The following TNIK variants were observed in gnomAD, a reference collection of about 807,000 sequenced individuals.
TNIK encodes the protein TRAF2 and NCK-interacting protein kinase.
TNIK carries 49 observed loss-of-function variants against 191.3 expected under a neutral mutation model. The observed-to-expected ratio is 0.26, with a 90% CI of 0.20 to 0.32. The LOEUF is 0.32. Ranked by LOEUF, TNIK falls within the 10% of genes least tolerant of loss-of-function variation. The pLI is 1.00. For missense variants in TNIK, 1,155 were observed against 1,702.3 expected (o/e 0.68, Z 5.66); for synonymous variants, 594 against 600.9 (o/e 0.99, Z 0.17).
At chr3:171,336,826 A>C (rs1757003426) in intron 2 of TNIK, among the ~76,000 whole-genome samples, 1 of 152,212 alleles carries the variant, frequency 6.6e-6, no homozygotes. Context: ...AGTGAGGTAG[A>C]AGTAGGGTTA....
In TNIK at chr3:171,062,554, C is replaced by T. The variant is rs1353192429; in HGVS notation, c.*1327G>A. The T allele has an allele frequency of 1.3e-5, 2 of 152,096 alleles. No homozygotes were observed. Among genetic ancestry groups the T allele is most frequent in the Admixed American group, 6.5e-5 (1 of 15,272 alleles). The allele number at this position is 152,096 out of a possible 1,614,324, so 9.4% of individuals were successfully genotyped here. On this transcript the variant is annotated 3_prime_UTR_variant, in exon 33 of 33. Coordinates refer to ENST00000436636, the MANE Select transcript of TNIK (RefSeq NM_015028.4). ...TTATAAGGACACAAGTCAACCTGAA[C>T]TAAATACATACATACTTCTGCACAA...
chr3:171,093,877 C>T lies in TNIK; in HGVS notation c.2683G>A (p.Gly895Ser), dbSNP rs771128641. 9.3e-6 allele frequency: 15 copies of T among 1,613,876 alleles called. No individual in the cohort carries two copies. The highest frequency in any genetic ancestry group is 5.0e-5 in the Admixed American group (3 of 60,024). ...LETSHADSFS[G>S]SISREGTLMI... is the part of the protein sequence containing the mutation. Reference sequence around the variant, plus strand: ...AAGGTTCCTTCTCTTGAAATACTGCCGCTGAAACTGTCCGCATGAGAGGTC... The same window carrying T: ...AAGGTTCCTTCTCTTGAAATACTGCTGCTGAAACTGTCCGCATGAGAGGTC... Residue 895 changes from glycine to serine, a missense_variant, in exon 23 of 33, where the codon GGC (glycine) becomes AGC (serine). Around this residue, in one of 3 missense-constraint regions of TNIK, gnomAD observed 735 missense variants for 848.0 expected, o/e 0.87. Transcript: ENST00000436636.
chr3:171,266,676 G>A (rs1055150342), intron 2 of TNIK, among the ~76,000 whole-genome samples: 4 of 152,192 alleles, frequency 2.6e-5, no homozygotes, highest in Non-Finnish European at 5.9e-5. Flanking sequence ...GCCTTTGCAG[G>A]AATAGAGTAC....
intron 2 of TNIK, chr3:171,347,221 G>GAA (rs3082367): frequency 0.12 from 160,729 of 1,376,186 alleles, 2,281 homozygotes; most frequent in African/African-American, 0.29. Context: ...TTCATTTGCT[G>GAA]AAAAAAAAAA....
chr3:171,434,637 G>C (rs1560069950), intron 1 of TNIK, among the ~76,000 whole-genome samples: 1 of 151,566 alleles, frequency 6.6e-6, no homozygotes, highest in African/African-American at 2.4e-5. Flanking sequence ...TTTTAAAATT[G>C]TTTTTAGAGA....
intron 3 of TNIK, among the ~76,000 whole-genome samples, chr3:171,219,222 A>G (rs896267893): frequency 1.2e-4 from 16 of 137,782 alleles, no homozygotes; most frequent in African/African-American, 3.7e-4. Flanking sequence ...ACTAAATTAT[A>G]TATATTATTA....
intron 1 of TNIK, among the ~76,000 whole-genome samples, chr3:171,448,021 A>T (rs960402899): frequency 6.6e-6 from 1 of 152,252 alleles, no homozygotes; most frequent in African/African-American, 2.4e-5. Context: ...AACTACTGAA[A>T]TATTTATAAA....
chr3:171,168,335 T>C (rs193113434), intron 9 of TNIK, among the ~76,000 whole-genome samples: 6 of 152,316 alleles, frequency 3.9e-5, no homozygotes, highest in Admixed American at 2.6e-4. Context: ...GTGCTCTCTG[T>C]TGCTCTCCTG....
At chr3:171,431,480 G>A (rs934313597) in intron 1 of TNIK, among the ~76,000 whole-genome samples, 2 of 152,000 alleles carry the variant, frequency 1.3e-5, no homozygotes, top group Admixed American at 1.3e-4. Flanking sequence ...TCTGAGTGAA[G>A]ATTTTACATG....
At chr3:171,335,713 C>G (rs1420260955) in intron 2 of TNIK, among the ~76,000 whole-genome samples, 3 of 152,150 alleles carry the variant, frequency 2.0e-5, no homozygotes, top group Admixed American at 2.0e-4. Flanking sequence ...GCTATTATGA[C>G]TAAAGCTCCT....
intron 1 of TNIK, among the ~76,000 whole-genome samples, chr3:171,453,175 A>T (rs1458429546): frequency 6.6e-6 from 1 of 152,222 alleles, no homozygotes; most frequent in Non-Finnish European, 1.5e-5. Flanking sequence ...CTGCTGTGTA[A>T]AGAAAACTGG....
chr3:171,236,225 T>C (rs1744249451), intron 2 of TNIK, among the ~76,000 whole-genome samples: 1 of 152,164 alleles, frequency 6.6e-6, no homozygotes, highest in South Asian at 2.1e-4. Flanking sequence ...TGAACAGAGA[T>C]TCCTGTGATC....
At chr3:171,363,881 C>T (rs182031890) in intron 2 of TNIK, among the ~76,000 whole-genome samples, 44 of 152,250 alleles carry the variant, frequency 2.9e-4, no homozygotes, top group Admixed American at 1.1e-3. Flanking sequence ...CACTGAAAGT[C>T]AAATCTTTGA....
chr3:171,307,510 A>G (rs752866776), intron 2 of TNIK, among the ~76,000 whole-genome samples: 15 of 152,328 alleles, frequency 9.8e-5, no homozygotes, highest in Non-Finnish European at 1.6e-4. Context: ...TTACTGAAAG[A>G]TTAGAAACTA....
At chr3:171,241,383 T>TTC (rs1744969420) in intron 2 of TNIK, among the ~76,000 whole-genome samples, 1 of 152,206 alleles carries the variant, frequency 6.6e-6, no homozygotes, top group African/African-American at 2.4e-5. Context: ...ACAAGTACTG[T>TTC]TATCAGACTT....
rs559173729 is a variant in TNIK, at chr3:171,330,618, T to C, written c.123+39002A>G. On this transcript the variant is annotated intron_variant, in intron 2 of 32. Transcript: ENST00000436636. ...TCTGCCTTGTAAGCTGGAGGAGGTATAGGGGCATTTTATTGTTGGGGGATT... is the reference window on the plus strand; with the variant it reads ...TCTGCCTTGTAAGCTGGAGGAGGTACAGGGGCATTTTATTGTTGGGGGATT... Among the ~76,000 whole-genome samples, 224 of 152,258 alleles carry C rather than the reference T, an allele frequency of 1.5e-3. 1 individual carries two copies. Among genetic ancestry groups the C allele is most frequent in the African/African-American group, 5.2e-3 (217 of 41,550 alleles).
In TNIK at chr3:171,255,367, G is replaced by A. The variant is rs1746727118; in HGVS notation, c.124-27146C>T. Among the ~76,000 whole-genome samples, 5 of 152,282 alleles carry A rather than the reference G, an allele frequency of 3.3e-5. No homozygotes were observed. In the South Asian group the frequency reaches 8.3e-4, roughly 25 times the overall value. ...TAAAGCTCCCTGGGTGACAAATGCT[G>A]TCTGGTTACAACCATCTTAGCTAGA... On this transcript the variant is annotated intron_variant, in intron 2 of 32. Transcript: ENST00000436636.
chr3:171,107,176 TACTA>T lies in TNIK; in HGVS notation c.2406+3_2406+6del. Reference sequence around the variant, plus strand: ...TGAAAGCATGACCAAGAAAAGGTAATACTAACCTCATCTATAGCTTTTTTGTAGC... The same window carrying T: ...TGAAAGCATGACCAAGAAAAGGTAATACCTCATCTATAGCTTTTTTGTAGC... On this transcript the variant is annotated splice_donor_5th_base_variant and intron_variant, in intron 21 of 32. Transcript: ENST00000436636. The T allele has an allele frequency of 2.5e-6, 4 of 1,611,832 alleles. No homozygotes were observed. The highest frequency in any genetic ancestry group is 3.4e-6 in the Non-Finnish European group (4 of 1,179,120).
At chr3:171,085,634 A>G (rs1222594908) in intron 24 of TNIK, among the ~76,000 whole-genome samples, 2 of 152,230 alleles carry the variant, frequency 1.3e-5, no homozygotes, top group African/African-American at 4.8e-5. Flanking sequence ...CCTATACAGC[A>G]GTACTTTATC....
Sources: gnomAD v4.1 joint callset for allele counts (sites outside exome capture counted in the v4.1 genomes callset) on GRCh38, gnomAD v4.1.1 for gene constraint, gnomAD v4.1.1 regional missense constraint, MANE v1.5 for transcripts, NCBI Gene and HGNC (gene_info 2026-07-23, HGNC 2026-07-21) for gene names.